LUZP2: variants seen among roughly 807,000 people sequenced by gnomAD.
The protein encoded by LUZP2 is leucine zipper protein 2.
In LUZP2, 52 loss-of-function variants were observed where a neutral mutation model predicts 51.6. That is an observed-to-expected ratio of 1.01 (90% CI 0.81 to 1.27). LUZP2 has a LOEUF of 1.27. Among genes scored for constraint, LUZP2 ranks in the 50% most tolerant of loss-of-function variants. The pLI, the probability that LUZP2 is intolerant of heterozygous loss-of-function variation, is 0.00. For synonymous variants in LUZP2, 154 were observed against 137.3 expected (o/e 1.12, Z -0.85); for missense variants, 436 against 395.4 (o/e 1.10, Z -0.87).
At chr11:24,749,328 G>A (rs1859493304) in intron 4 of LUZP2, among the ~76,000 whole-genome samples, 2 of 152,152 alleles carry the variant, frequency 1.3e-5, no homozygotes, top group Non-Finnish European at 2.9e-5. Flanking sequence ...AAAGTCAAAA[G>A]CCTTGTTTTC....
chr11:24,702,821 G>T (rs1296312322), intron 1 of LUZP2, among the ~76,000 whole-genome samples: 4 of 152,148 alleles, frequency 2.6e-5, no homozygotes, highest in South Asian at 2.1e-4. Context: ...GAACCAATCG[G>T]TTTATATCAG....
chr11:24,919,973 A>G (rs1421088558), intron 7 of LUZP2, among the ~76,000 whole-genome samples: 6 of 151,798 alleles, frequency 4.0e-5, no homozygotes, highest in Non-Finnish European at 7.4e-5. Context: ...TAAGTCCTAC[A>G]CAACCATGAC....
At chr11:24,991,623 T>C (rs1856348246) in intron 9 of LUZP2, among the ~76,000 whole-genome samples, 1 of 151,936 alleles carries the variant, frequency 6.6e-6, no homozygotes. Flanking sequence ...GTTATACTTT[T>C]AGTTGTTTAA....
At chr11:24,648,136 A>C (rs940844215) in intron 1 of LUZP2, among the ~76,000 whole-genome samples, 1 of 151,944 alleles carries the variant, frequency 6.6e-6, no homozygotes, top group Non-Finnish European at 1.5e-5. Context: ...GTTTAAATGC[A>C]TATTATCTTT....
intron 9 of LUZP2, among the ~76,000 whole-genome samples, chr11:24,991,216 G>C (rs190009609): frequency 2.0e-5 from 3 of 151,686 alleles, no homozygotes; most frequent in Admixed American, 2.0e-4. Flanking sequence ...GAGAACGTAC[G>C]ATGTTTGGTT....
intron 1 of LUZP2, among the ~76,000 whole-genome samples, chr11:24,606,277 C>T (rs1853915826): frequency 6.6e-6 from 1 of 151,812 alleles, no homozygotes; most frequent in Non-Finnish European, 1.5e-5. Context: ...AACTATACTT[C>T]AATATAGTAT....
At chr11:25,002,840 G>A (rs1471899451) in intron 9 of LUZP2, among the ~76,000 whole-genome samples, 1 of 151,974 alleles carries the variant, frequency 6.6e-6, no homozygotes, top group Non-Finnish European at 1.5e-5. Flanking sequence ...TTCTGACCCT[G>A]GTTCCCATTC....
chr11:24,914,382 C>A (rs1056183653), intron 6 of LUZP2, 94 bp from the exon 7 acceptor site: 130 of 946,660 alleles, frequency 1.4e-4, no homozygotes, highest in Non-Finnish European at 1.9e-4. Context: ...TGCTTGGCTG[C>A]AAAATGTATT....
At chr11:25,073,454 G>T (rs1024432919) in intron 10 of LUZP2, among the ~76,000 whole-genome samples, 2 of 152,154 alleles carry the variant, frequency 1.3e-5, no homozygotes, top group African/African-American at 4.8e-5. Flanking sequence ...TTGTGTCCTG[G>T]CTTCTTAGAT....
intron 7 of LUZP2, among the ~76,000 whole-genome samples, chr11:24,966,823 A>G (rs1291693957): frequency 6.8e-6 from 1 of 147,608 alleles, no homozygotes; most frequent in South Asian, 2.1e-4. Flanking sequence ...TAATGTAAAA[A>G]TATATATGTA....
At chr11:24,839,282 T>G (rs939881001) in intron 5 of LUZP2, among the ~76,000 whole-genome samples, 1 of 151,696 alleles carries the variant, frequency 6.6e-6, no homozygotes, top group Non-Finnish European at 1.5e-5. Flanking sequence ...GCAAGCCTGA[T>G]TTTCAATCAT....
chr11:24,842,597 T>A (rs1851070590), intron 5 of LUZP2, among the ~76,000 whole-genome samples: 1 of 152,042 alleles, frequency 6.6e-6, no homozygotes, highest in African/African-American at 2.4e-5. Flanking sequence ...CTGCTGACAA[T>A]GTTCTCTGAC....
intron 10 of LUZP2, among the ~76,000 whole-genome samples, chr11:25,070,650 AAT>A (rs1161540135): frequency 1.3e-5 from 2 of 151,990 alleles, no homozygotes; most frequent in Non-Finnish European, 2.9e-5. Context: ...AAATTTTTAG[AAT>A]ATGTGTTGTA....
chr11:24,569,330 T>G (rs1852349640), intron 1 of LUZP2, among the ~76,000 whole-genome samples: 1 of 152,100 alleles, frequency 6.6e-6, no homozygotes. Flanking sequence ...AAATGGTATA[T>G]TAAATCCTTT....
chr11:24,862,843 G>T (rs988752360), intron 5 of LUZP2, among the ~76,000 whole-genome samples: 1 of 152,146 alleles, frequency 6.6e-6, no homozygotes, highest in Non-Finnish European at 1.5e-5. Flanking sequence ...AATATATAAA[G>T]AAATCTTCCA....
chr11:24,626,631 C>T (rs889367252), intron 1 of LUZP2, among the ~76,000 whole-genome samples: 3 of 152,134 alleles, frequency 2.0e-5, no homozygotes, highest in African/African-American at 7.2e-5. Context: ...TTGATAATCT[C>T]CATCTAACTG....
intron 5 of LUZP2, chr11:24,893,005 G>C (rs541819014): frequency 6.6e-6 from 1 of 152,172 alleles, no homozygotes; most frequent in Admixed American, 6.5e-5. Flanking sequence ...ATTTATAATT[G>C]TTTTTCCTTT....
At position 24,738,272 on chromosome 11, in the gene LUZP2, A is replaced by T. The variant is rs761391349; in HGVS notation, c.303A>T (p.Thr101=). 1 of 1,612,590 alleles carries T rather than the reference A, an allele frequency of 6.2e-7. No homozygotes were observed. Among genetic ancestry groups the T allele is most frequent in the Non-Finnish European group, 8.5e-7 (1 of 1,179,134 alleles). The change falls in exon 4 of 12, where the codon ACA becomes ACT. Residue 101 remains threonine, a synonymous_variant. Transcript: ENST00000336930. ...QEALQNQLKE[T]SEKAEKHQAT... ...CCCTGCAAAATCAGCTTAAGGAGAC[A>T]TCAGAGAAAGCAGAAAAACACCAGG... is the stretch of plus-strand genomic sequence containing the variant.
Position 24,909,346 on chromosome 11 carries a change from A to G in LUZP2, c.459+3293A>G, listed in dbSNP as rs190568192. 3.5e-3 allele frequency among the ~76,000 whole-genome samples: 525 copies of G among 152,150 alleles called. 5 individuals are homozygous for G. Among genetic ancestry groups the G allele is most frequent in the African/African-American group, 0.012 (505 of 41,544 alleles). ...CACTTTAATTATGTTTTAAAAATGA[A>G]CACCTCAAATTGTTAAAAGGCAACC... On this transcript the variant is annotated intron_variant, in intron 6 of 11. Transcript: ENST00000336930.
Sources: allele counts gnomAD v4.1 joint callset (sites outside exome capture counted in the v4.1 genomes callset), GRCh38; gene constraint gnomAD v4.1.1; transcripts MANE v1.5; gene names NCBI Gene and HGNC (gene_info 2026-07-23, HGNC 2026-07-21).